ESR1: variants seen among roughly 807,000 people sequenced by gnomAD.
ESR1 encodes the protein estrogen receptor 1.
Under a neutral mutation model 52.7 loss-of-function variants are expected in ESR1, and 12 were observed. The observed-to-expected ratio is 0.23, with a 90% CI of 0.15 to 0.37. The LOEUF (loss-of-function observed/expected upper bound fraction) is 0.37. Ranked by LOEUF, ESR1 falls within the 10% of genes least tolerant of loss-of-function variation. The pLI is 1.00. For synonymous variants in ESR1, 305 were observed against 316.8 expected (o/e 0.96, Z 0.39); for missense variants, 584 against 779.7 (o/e 0.75, Z 2.99).
intron 3 of ESR1, among the ~76,000 whole-genome samples, chr6:151,929,461 A>C (rs1457101858): frequency 6.6e-6 from 1 of 152,086 alleles, no homozygotes; most frequent in Non-Finnish European, 1.5e-5. Context: ...ATTACATTTA[A>C]AGTGGGCATT....
intron 2 of ESR1, among the ~76,000 whole-genome samples, chr6:151,755,711 A>T (rs1406646813): frequency 6.6e-6 from 1 of 151,654 alleles, no homozygotes; most frequent in African/African-American, 2.4e-5. Context: ...ACTCACTGCA[A>T]CTTCCGCCTC....
intron 5 of ESR1, among the ~76,000 whole-genome samples, chr6:152,032,736 A>G (rs2044841843): frequency 6.6e-6 from 1 of 152,242 alleles, no homozygotes; most frequent in Admixed American, 6.5e-5. Context: ...TATAGATTCA[A>G]TGCTATCCCC....
intron 2 of ESR1, among the ~76,000 whole-genome samples, chr6:151,870,006 T>A (rs1583829276): frequency 6.6e-6 from 1 of 152,328 alleles, no homozygotes; most frequent in South Asian, 2.1e-4. Context: ...CACTGGATTT[T>A]TAGGAATGTG....
upstream of ESR1, among the ~76,000 whole-genome samples, chr6:151,687,589 C>T (rs1483623955): frequency 1.3e-5 from 2 of 152,126 alleles, no homozygotes; most frequent in African/African-American, 4.8e-5. Context: ...TTTATTTTAG[C>T]CTGAATCACC....
chr6:151,743,099 A>C (rs535369279), intron 2 of ESR1, among the ~76,000 whole-genome samples: 15 of 152,304 alleles, frequency 9.8e-5, no homozygotes, highest in African/African-American at 3.4e-4. Flanking sequence ...AAAGCTCCCC[A>C]GGGGCTTCCG....
chr6:151,683,525 G>T lies in ESR1; in HGVS notation n.74-18350G>T, dbSNP rs568520917. The stretch of plus-strand genomic sequence containing the variant: ...TGAACTACCACCTTGGATGTAGGTG[G>T]AGTAAGCCATATTCCCAGGTAGCCT... On this transcript the variant is annotated intron_variant and non_coding_transcript_variant, in intron 1 of 2. Transcript: ENST00000473497. Among the ~76,000 whole-genome samples the T allele has an allele frequency of 5.9e-5, 9 of 152,070 alleles. No homozygotes were observed. The East Asian group carries it at 1.7e-3, about 29-fold the overall frequency.
chr6:151,687,476 C>T (rs376400723), upstream of ESR1, among the ~76,000 whole-genome samples: 16 of 152,176 alleles, frequency 1.1e-4, no homozygotes, highest in South Asian at 1.7e-3. Flanking sequence ...CTGAGAAGAA[C>T]GAATAAAGAA....
At chr6:151,957,400 A>G (rs1319118676) in intron 4 of ESR1, among the ~76,000 whole-genome samples, 1 of 152,206 alleles carries the variant, frequency 6.6e-6, no homozygotes, top group African/African-American at 2.4e-5. Flanking sequence ...ACCAGTTTCT[A>G]AAAAGCATTT....
At chr6:151,927,359 T>A (rs1292551460) in intron 3 of ESR1, among the ~76,000 whole-genome samples, 1 of 152,224 alleles carries the variant, frequency 6.6e-6, no homozygotes, top group Non-Finnish European at 1.5e-5. Flanking sequence ...AGACTCAGAA[T>A]GAGTTAGGAT....
At chr6:151,697,597 T>A (rs1779451480) in intron 1 of ESR1, among the ~76,000 whole-genome samples, 1 of 152,256 alleles carries the variant, frequency 6.6e-6, no homozygotes, top group Non-Finnish European at 1.5e-5. Flanking sequence ...TGATCATATT[T>A]CTGTGAGATT....
intron 4 of ESR1, among the ~76,000 whole-genome samples, chr6:151,951,430 C>G (rs2128556506): frequency 6.6e-6 from 1 of 152,228 alleles, no homozygotes; most frequent in South Asian, 2.1e-4. Context: ...ATTCTGAAAT[C>G]AAAAATTAAA....
At chr6:151,977,651 C>G (rs2039565388) in intron 4 of ESR1, among the ~76,000 whole-genome samples, 1 of 151,746 alleles carries the variant, frequency 6.6e-6, no homozygotes, top group African/African-American at 2.4e-5. Context: ...AAAAATGAGC[C>G]TAGAGTGGTG....
At chr6:151,691,606 G>A (rs1032752266) in intron 1 of ESR1, among the ~76,000 whole-genome samples, 1 of 152,156 alleles carries the variant, frequency 6.6e-6, no homozygotes, top group Non-Finnish European at 1.5e-5. Context: ...ATGCCTTTAT[G>A]TGCCAGATCT....
intron 5 of ESR1, among the ~76,000 whole-genome samples, chr6:152,058,188 T>C (rs1188924214): frequency 6.6e-6 from 1 of 151,268 alleles, no homozygotes; most frequent in African/African-American, 2.5e-5. Context: ...GTTTATTTTT[T>C]CACTAGAAAG....
Position 151,807,770 on chromosome 6 carries a change from C to T in ESR1, c.-143C>T. The stretch of plus-strand genomic sequence containing the variant: ...GACCCGCAGGCTCCCGGGGCAGGGC[C>T]GGGGCCAGAGCTCGCGTGTCGGCGG... On this transcript the variant is annotated 5_prime_UTR_variant, in exon 1 of 8. Transcript: ENST00000206249. The T allele has an allele frequency of 1.2e-6, 1 of 832,092 alleles. No individual in the cohort carries two copies. Among genetic ancestry groups the T allele is most frequent in the South Asian group, 1.5e-5 (1 of 67,652 alleles). The allele number at this position is 832,092 out of a possible 1,614,324, so 51.5% of individuals were successfully genotyped here.
rs912619678 is a variant in ESR1, at chr6:151,807,685, T to C, written c.-228T>C. 1 of 605,750 alleles carries C rather than the reference T, an allele frequency of 1.7e-6. No individual in the cohort carries two copies. Among genetic ancestry groups the C allele is most frequent in the Non-Finnish European group, 2.9e-6 (1 of 340,318 alleles). The allele number at this position is 605,750 out of a possible 1,614,324, so 37.5% of individuals were successfully genotyped here. A position where few individuals can be genotyped will look rare whatever the true frequency, so the allele number is the denominator to read the frequency against. ...GTTGGAGGCCCGGGAGCCCAGGAGCTGGCGGAGGGCGTTCGTCCTGGGACT... is the reference window on the plus strand; with the variant it reads ...GTTGGAGGCCCGGGAGCCCAGGAGCCGGCGGAGGGCGTTCGTCCTGGGACT... On this transcript the variant is annotated 5_prime_UTR_variant, in exon 1 of 8. Coordinates refer to ENST00000206249, the MANE Select transcript of ESR1 (RefSeq NM_000125.4).
chr6:151,995,557 T>C (rs1009020971), intron 4 of ESR1, among the ~76,000 whole-genome samples: 1 of 152,226 alleles, frequency 6.6e-6, no homozygotes, highest in African/African-American at 2.4e-5. Context: ...GAAAAAGATA[T>C]TTTTAAGTTC....
intron 4 of ESR1, among the ~76,000 whole-genome samples, chr6:151,990,714 C>G (rs529082640): frequency 6.6e-6 from 1 of 152,168 alleles, no homozygotes; most frequent in Non-Finnish European, 1.5e-5. Context: ...TTCTGATGGA[C>G]AGTGAGAACC....
intron 2 of ESR1, among the ~76,000 whole-genome samples, chr6:151,786,418 G>A (rs998686037): frequency 2.0e-5 from 3 of 152,118 alleles, no homozygotes; most frequent in Admixed American, 6.6e-5. Context: ...GACCTGGCAC[G>A]GCATAAAGCT....
Sources: allele counts gnomAD v4.1 joint callset (sites outside exome capture counted in the v4.1 genomes callset), GRCh38; gene constraint gnomAD v4.1.1; transcripts MANE v1.5; gene names NCBI Gene and HGNC (gene_info 2026-07-23, HGNC 2026-07-21).